MICU3: variants seen among roughly 807,000 people sequenced by gnomAD.
MICU3 encodes calcium uptake protein 3, mitochondrial.
Under a neutral mutation model 66.5 loss-of-function variants are expected in MICU3, and 62 were observed. The ratio of observed to expected loss-of-function variants is 0.93; its 90% CI spans 0.76 to 1.15. The LOEUF (loss-of-function observed/expected upper bound fraction) is 1.15. MICU3 is among the 50% of genes most tolerant of loss of function. The pLI, the probability that MICU3 is intolerant of heterozygous loss-of-function variation, is 0.00. For missense variants in MICU3, 779 were observed against 664.4 expected, an observed-to-expected ratio of 1.17 and a Z score of -1.90; for synonymous variants, 308 against 240.7, an observed-to-expected ratio of 1.28 and a Z score of -2.59.
intron 11 of MICU3, among the ~76,000 whole-genome samples, chr8:17,111,564 T>G (rs1802208701): frequency 6.6e-6 from 1 of 152,204 alleles, no homozygotes. Context: ...TTGTTCCTTA[T>G]GTGTTTGGTG....
At chr8:17,051,939 C>G in intron 1 of MICU3, among the ~76,000 whole-genome samples, 1 of 151,840 alleles carries the variant, frequency 6.6e-6, no homozygotes, top group Non-Finnish European at 1.5e-5. Flanking sequence ...TAGCACCGTG[C>G]GTTATGCTGA....
At position 17,121,114 on chromosome 8, in the gene MICU3, G is replaced by A. The variant is rs894931560; in HGVS notation, c.*827G>A. 6.6e-6 allele frequency: 1 copy of A among 151,830 alleles called. No homozygotes were observed. Among genetic ancestry groups the A allele is most frequent in the Non-Finnish European group, 1.5e-5 (1 of 67,804 alleles). 9.4% of individuals were successfully genotyped at this position (151,830 alleles called of 1,614,324 possible). Reference sequence around the variant, plus strand: ...AAACATGAAGCTGCTCCTGATCATAGGTGGTACACGTTAATAACACTAGTA... The same window carrying A: ...AAACATGAAGCTGCTCCTGATCATAAGTGGTACACGTTAATAACACTAGTA... On this transcript the variant is annotated 3_prime_UTR_variant, in exon 15 of 15. Coordinates refer to ENST00000318063, the MANE Select transcript of MICU3 (RefSeq NM_181723.3).
At chr8:17,105,376 TTTA>T (rs1205677498) in intron 10 of MICU3, 34 bp from the exon 11 acceptor site, 5 of 1,301,700 alleles carry the variant, frequency 3.8e-6, no homozygotes, top group Non-Finnish European at 5.3e-6. Flanking sequence ...TTACTCTTTC[TTTA>T]TCTTTTTCCT....
rs916282580 is a variant in MICU3 at position 17,121,958 on chromosome 8, T to A, written c.*1671T>A. ...TACACTGAATGTTCTTAATATGATT[T>A]GGTACCTAAAGTAATTGAAAAAAAT... On this transcript the variant is annotated 3_prime_UTR_variant, in exon 15 of 15. Coordinates refer to ENST00000318063, the MANE Select transcript of MICU3 (RefSeq NM_181723.3). 1.2e-4 allele frequency: 18 copies of A among 151,842 alleles called. No homozygotes were observed. The highest frequency in any genetic ancestry group is 3.0e-5 in the Non-Finnish European group (2 of 67,732). 9.4% of individuals were successfully genotyped at this position (151,842 alleles called of 1,614,324 possible). A position where few individuals can be genotyped will look rare whatever the true frequency, so the allele number is the denominator to read the frequency against.
the MICU3 span, chr8:17,132,718 C>G: frequency 1.3e-5 from 2 of 152,190 alleles, no homozygotes; most frequent in African/African-American, 2.4e-5. Flanking sequence ...TTTAAGAACT[C>G]AGATCTCTGA....
intron 1 of MICU3, among the ~76,000 whole-genome samples, chr8:17,045,142 C>T (rs568167039): frequency 2.6e-5 from 4 of 151,744 alleles, no homozygotes; most frequent in Non-Finnish European, 2.9e-5. Context: ...GGCTTTTAAA[C>T]GAAAATGCTC....
rs111602011 is a variant in MICU3 at position 17,114,330 on chromosome 8, A to AGT, written c.1366+131_1366+132dup. On this transcript the variant is annotated intron_variant, in intron 12 of 14. Coordinates refer to ENST00000318063, the MANE Select transcript of MICU3 (RefSeq NM_181723.3). ...GTGTGAAAGTCCGGTGTATACTTTC[A>AGT]GTGACAAGTCAGTTCTGGTACTTGT... 1,459 of 584,848 alleles carry AGT rather than the reference A, an allele frequency of 2.5e-3. 28 individuals carry two copies. The highest frequency in any genetic ancestry group is 0.024 in the African/African-American group (1,249 of 53,122). 36.2% of individuals were successfully genotyped at this position (584,848 alleles called of 1,614,324 possible).
rs138935127 is a variant in MICU3, at chr8:17,080,722, C to G, written c.647-971C>G. Among the ~76,000 whole-genome samples the G allele has an allele frequency of 1.7e-3, 259 of 152,230 alleles. 2 individuals are homozygous for G. Among genetic ancestry groups the G allele is most frequent in the Middle Eastern group, 6.8e-3 (2 of 294 alleles). ...AGAAGGGAATGAATGCTTTCAGGGCCTCCTGGCTAGTGCCCTTCATGTCTC... is the reference window on the plus strand; with the variant it reads ...AGAAGGGAATGAATGCTTTCAGGGCGTCCTGGCTAGTGCCCTTCATGTCTC... On this transcript the variant is annotated intron_variant, in intron 4 of 14. Coordinates refer to ENST00000318063, the MANE Select transcript of MICU3 (RefSeq NM_181723.3).
intron 8 of MICU3, among the ~76,000 whole-genome samples, chr8:17,092,436 A>G (rs1800172080): frequency 6.6e-6 from 1 of 151,972 alleles, no homozygotes; most frequent in Non-Finnish European, 1.5e-5. Context: ...CGCAAATTTT[A>G]TTTATATTAT....
At chr8:17,059,648 A>C (rs1056490869) in intron 1 of MICU3, among the ~76,000 whole-genome samples, 1 of 152,194 alleles carries the variant, frequency 6.6e-6, no homozygotes, top group African/African-American at 2.4e-5. Flanking sequence ...AGATAGTTGG[A>C]TATGAAGCAA....
At chr8:17,118,092 AC>A (rs1802855193) in intron 13 of MICU3, among the ~76,000 whole-genome samples, 1 of 152,190 alleles carries the variant, frequency 6.6e-6, no homozygotes, top group Non-Finnish European at 1.5e-5. Flanking sequence ...AGTACTTGAA[AC>A]AAGTTACATT....
rs1045727139 is a variant in MICU3, at chr8:17,030,936, T to C, written c.381+3276T>C. ...ATTTTATAAATTCTCTTGAATGTTT[T>C]AGTTTCCCATTCTTTTCTCTATCTT... On this transcript the variant is annotated intron_variant, in intron 1 of 14. Transcript: ENST00000318063. Among the ~76,000 whole-genome samples, 15 of 152,258 alleles carry C rather than the reference T, an allele frequency of 9.9e-5. 1 individual carries two copies. Among genetic ancestry groups the C allele is most frequent in the Admixed American group, 9.2e-4 (14 of 15,284 alleles).
At chr8:17,108,602 C>A (rs1409030318) in intron 11 of MICU3, among the ~76,000 whole-genome samples, 1 of 152,112 alleles carries the variant, frequency 6.6e-6, no homozygotes, top group African/African-American at 2.4e-5. Flanking sequence ...CCTATTGATA[C>A]TACCTGTATA....
chr8:17,099,394 T>C (rs1367360565), intron 9 of MICU3, among the ~76,000 whole-genome samples: 1 of 151,790 alleles, frequency 6.6e-6, no homozygotes, highest in Non-Finnish European at 1.5e-5. Context: ...AAGTTACACC[T>C]GAAAATATCT....
chr8:17,086,288 A>G (rs754039756), intron 6 of MICU3, among the ~76,000 whole-genome samples: 14 of 152,192 alleles, frequency 9.2e-5, no homozygotes, highest in Non-Finnish European at 1.6e-4. Flanking sequence ...TTTTCTTAGT[A>G]GGAAAGAGAA....
At chr8:17,042,828 C>G (rs1424170422) in intron 1 of MICU3, among the ~76,000 whole-genome samples, 1 of 151,732 alleles carries the variant, frequency 6.6e-6, no homozygotes, top group Non-Finnish European at 1.5e-5. Flanking sequence ...TGATATCTAT[C>G]CAGTTGACAC....
Position 17,104,510 on chromosome 8 carries a change from T to G in MICU3, c.1085+19T>G. ...TTTATAGGTGAGCTTATTTTTATAT[T>G]TTTATTAAAAATTATTAGCCTACTG... is the stretch of plus-strand genomic sequence containing the variant. On this transcript the variant is annotated intron_variant, in intron 10 of 14. Coordinates refer to ENST00000318063, the MANE Select transcript of MICU3 (RefSeq NM_181723.3). 7.7e-7 allele frequency: 1 copy of G among 1,290,832 alleles called. No individual in the cohort carries two copies. The highest frequency in any genetic ancestry group is 1.1e-6 in the Non-Finnish European group (1 of 950,786). The allele number at this position is 1,290,832 out of a possible 1,614,324, so 80.0% of individuals were successfully genotyped here. A position where few individuals can be genotyped will look rare whatever the true frequency, so the allele number is the denominator to read the frequency against.
At chr8:17,093,610 T>G (rs941135050) in intron 8 of MICU3, among the ~76,000 whole-genome samples, 2 of 152,016 alleles carry the variant, frequency 1.3e-5, no homozygotes, top group African/African-American at 2.4e-5. Flanking sequence ...TAACTTCTAC[T>G]TACTGTTTTC....
At chr8:17,133,841 T>G in the MICU3 span, among the ~76,000 whole-genome samples, 40 of 152,324 alleles carry the variant, frequency 2.6e-4, no homozygotes, top group African/African-American at 9.1e-4. Flanking sequence ...TTCAGCATAC[T>G]CCTTGTGTGG....
Sources: allele counts gnomAD v4.1 joint callset (sites outside exome capture counted in the v4.1 genomes callset), GRCh38; gene constraint gnomAD v4.1.1; transcripts MANE v1.5; gene names NCBI Gene and HGNC (gene_info 2026-07-23, HGNC 2026-07-21).